The following CHN2 variants were observed in gnomAD, a reference collection of about 807,000 sequenced individuals.
CHN2 encodes beta-chimaerin.
CHN2 carries 35 observed loss-of-function variants against 56.3 expected under a neutral mutation model. The observed-to-expected ratio is 0.62, with a 90% CI of 0.47 to 0.82. CHN2 has a LOEUF of 0.82. Among genes scored for constraint, CHN2 ranks in the 40% least tolerant of loss-of-function variants. The pLI is 0.00. For missense variants in CHN2, 491 were observed against 580.5 expected, an observed-to-expected ratio of 0.85 and a Z score of 1.58; for synonymous variants, 210 against 212.8, an observed-to-expected ratio of 0.99 and a Z score of 0.12.
chr7:29,171,785 C>A (rs944899173), intron 2 of CHN2, among the ~76,000 whole-genome samples: 5 of 152,156 alleles, frequency 3.3e-5, no homozygotes, highest in African/African-American at 1.2e-4. Flanking sequence ...CCTATCAAAT[C>A]CATCTAACAT....
chr7:29,287,889 C>T (rs1792281601), intron 1 of CHN2, among the ~76,000 whole-genome samples: 2 of 152,126 alleles, frequency 1.3e-5, no homozygotes, highest in Non-Finnish European at 2.9e-5. Flanking sequence ...TTCTTCCTAT[C>T]TTCTTGCTTG....
upstream of CHN2, chr7:29,193,096 T>G (rs1317612468): frequency 6.6e-6 from 1 of 152,222 alleles, no homozygotes; most frequent in Non-Finnish European, 1.5e-5. Flanking sequence ...TTGGGTCTCC[T>G]TAGACCAGCC....
At chr7:29,167,410 A>G (rs895923387) in intron 2 of CHN2, among the ~76,000 whole-genome samples, 1 of 152,148 alleles carries the variant, frequency 6.6e-6, no homozygotes, top group Non-Finnish European at 1.5e-5. Context: ...CGGACATGAG[A>G]GCTATTTCCA....
chr7:29,497,491 G>T (rs544895416), intron 8 of CHN2, among the ~76,000 whole-genome samples: 60 of 143,580 alleles, frequency 4.2e-4, no homozygotes, highest in Admixed American at 1.7e-3. Flanking sequence ...TTCTGGTTTT[G>T]TTTTTTTTTT....
At chr7:29,490,946 A>G (rs1788597051) in intron 7 of CHN2, among the ~76,000 whole-genome samples, 1 of 152,158 alleles carries the variant, frequency 6.6e-6, no homozygotes, top group Admixed American at 6.5e-5. Flanking sequence ...AACTTTAGCT[A>G]TTTGATCTAC....
intron 2 of CHN2, among the ~76,000 whole-genome samples, chr7:29,152,029 T>C (rs982023458): frequency 6.6e-6 from 1 of 152,190 alleles, no homozygotes; most frequent in Non-Finnish European, 1.5e-5. Context: ...ATGGAAATAG[T>C]GGTTAGTGCA....
At chr7:29,292,579 C>T (rs905701040) in intron 1 of CHN2, among the ~76,000 whole-genome samples, 1 of 152,214 alleles carries the variant, frequency 6.6e-6, no homozygotes, top group Admixed American at 6.5e-5. Context: ...GCAATGCCAA[C>T]AGATTTTTAT....
chr7:29,164,053 G>A (rs1363821742), intron 2 of CHN2, among the ~76,000 whole-genome samples: 2 of 152,168 alleles, frequency 1.3e-5, no homozygotes, highest in Admixed American at 6.5e-5. Context: ...ACATATAGTA[G>A]AGAATGTTTA....
intron 1 of CHN2, chr7:29,335,876 GCAAA>G (rs1314979883): frequency 6.6e-6 from 1 of 152,248 alleles, no homozygotes; most frequent in African/African-American, 2.4e-5. Context: ...AGTGGGTTGA[GCAAA>G]CAAACATTTA....
At chr7:29,391,568 A>G (rs928061402) in intron 3 of CHN2, among the ~76,000 whole-genome samples, 10 of 152,082 alleles carry the variant, frequency 6.6e-5, no homozygotes, top group African/African-American at 2.4e-4. Flanking sequence ...TTTATTTTCT[A>G]GTGGTTTTCA....
chr7:29,277,160 C>G (rs1253066214), intron 1 of CHN2, among the ~76,000 whole-genome samples: 1 of 152,144 alleles, frequency 6.6e-6, no homozygotes, highest in East Asian at 1.9e-4. Flanking sequence ...AATGCAGGGA[C>G]CCTCCCCGCC....
At position 29,414,982 on chromosome 7, in the gene CHN2, T is replaced by C. The variant is rs113095823; in HGVS notation, c.576+14154T>C. Among the ~76,000 whole-genome samples, 1,109 of 152,324 alleles carry C rather than the reference T, an allele frequency of 7.3e-3. 7 individuals are homozygous for C. The highest frequency in any genetic ancestry group is 0.011 in the Non-Finnish European group (771 of 68,028). ...TTCAGTTGGCTGCCTCTCTGTAGCT[T>C]AGATACAGTTCTCATTGCACTGAGC... On this transcript the variant is annotated intron_variant, in intron 6 of 12. Transcript: ENST00000222792.
Position 29,228,144 on chromosome 7 carries a change from TAATA to T in CHN2, c.49+33155_49+33158del, listed in dbSNP as rs1786358944. Among the ~76,000 whole-genome samples the T allele has an allele frequency of 2.7e-5, 4 of 149,786 alleles. No individual in the cohort carries two copies. The South Asian group carries it at 8.5e-4, about 32-fold the overall frequency. The stretch of plus-strand genomic sequence containing the variant: ...CTTAAAAAAAAACCTGTACACACAC[TAATA>T]TATATATATATACACACACACACAC... On this transcript the variant is annotated intron_variant, in intron 1 of 12. Coordinates refer to ENST00000222792, the MANE Select transcript of CHN2 (RefSeq NM_004067.4).
intron 1 of CHN2, among the ~76,000 whole-genome samples, chr7:29,283,136 G>T: frequency 6.6e-6 from 1 of 152,216 alleles, no homozygotes; most frequent in East Asian, 1.9e-4. Context: ...GAGTCAGTCA[G>T]TCCTGGGAAT....
intron 2 of CHN2, among the ~76,000 whole-genome samples, chr7:29,365,706 G>A (rs559757481): frequency 2.6e-5 from 4 of 152,300 alleles, no homozygotes; most frequent in African/African-American, 7.2e-5. Flanking sequence ...TGAGCAGAGA[G>A]CATGACACAT....
At chr7:29,384,369 G>C (rs1428297002) in intron 3 of CHN2, among the ~76,000 whole-genome samples, 1 of 152,102 alleles carries the variant, frequency 6.6e-6, no homozygotes, top group Non-Finnish European at 1.5e-5. Context: ...GCCTCTGCAT[G>C]ATCTTCAAGT....
chr7:29,169,491 T>C (rs1313921180), intron 2 of CHN2, among the ~76,000 whole-genome samples: 4 of 152,216 alleles, frequency 2.6e-5, no homozygotes, highest in Admixed American at 1.3e-4. Flanking sequence ...ATGTTAAAAA[T>C]AAATACAACT....
intron 8 of CHN2, among the ~76,000 whole-genome samples, chr7:29,499,489 C>A (rs1172305524): frequency 6.6e-6 from 1 of 152,142 alleles, no homozygotes; most frequent in Admixed American, 6.5e-5. Flanking sequence ...CTGGAACAAA[C>A]CCTAGGTGCC....
At chr7:29,207,418 C>T (rs1053591815) in intron 1 of CHN2, among the ~76,000 whole-genome samples, 1 of 152,124 alleles carries the variant, frequency 6.6e-6, no homozygotes, top group Non-Finnish European at 1.5e-5. Flanking sequence ...TTAGTTCAGC[C>T]TCCACTAGAT....
Sources: gnomAD v4.1 joint callset for allele counts (sites outside exome capture counted in the v4.1 genomes callset) on GRCh38, gnomAD v4.1.1 for gene constraint, MANE v1.5 for transcripts, NCBI Gene and HGNC (gene_info 2026-07-23, HGNC 2026-07-21) for gene names.